RBMS3: variants seen among roughly 807,000 people sequenced by gnomAD.
RBMS3 encodes the protein RNA-binding motif, single-stranded-interacting protein 3.
A neutral mutation model predicts 66.8 loss-of-function variants in RBMS3; 27 were observed. The observed-to-expected ratio is 0.40, with a 90% CI of 0.30 to 0.56. The LOEUF is 0.56. RBMS3 is among the 20% of genes least tolerant of loss of function. The probability of loss-of-function intolerance (pLI) is 0.40; values close to 1 mark genes in which losing one functional copy is unlikely to be tolerated. For missense variants in RBMS3, 513 were observed against 549.5 expected, an observed-to-expected ratio of 0.93 and a Z score of 0.66; for synonymous variants, 188 against 183.0, an observed-to-expected ratio of 1.03 and a Z score of -0.22.
chr3:29,753,414 C>A (rs1304026355), intron 5 of RBMS3, among the ~76,000 whole-genome samples: 1 of 152,192 alleles, frequency 6.6e-6, no homozygotes, highest in African/African-American at 2.4e-5. Context: ...TGTGATCAGA[C>A]CACCCTCCCA....
At chr3:29,625,739 A>AGTGAATAT (rs1553633476) in intron 4 of RBMS3, among the ~76,000 whole-genome samples, 9,738 of 150,186 alleles carry the variant, frequency 0.065, 725 homozygotes, top group East Asian at 0.3. Context: ...TAAATAAATA[A>AGTGAATAT]AAATAATCTT....
intron 2 of RBMS3, among the ~76,000 whole-genome samples, chr3:29,438,654 A>G (rs2041491744): frequency 6.6e-6 from 1 of 152,210 alleles, no homozygotes; most frequent in African/African-American, 2.4e-5. Flanking sequence ...TGAATACATT[A>G]TACTGTGCGT....
At chr3:29,737,649 G>A (rs941032773) in intron 4 of RBMS3, among the ~76,000 whole-genome samples, 4 of 152,080 alleles carry the variant, frequency 2.6e-5, no homozygotes, top group Admixed American at 1.3e-4. Flanking sequence ...GAAGTTATAC[G>A]TAGATAAGGT....
chr3:29,330,858 T>A (rs2035612613), intron 1 of RBMS3, among the ~76,000 whole-genome samples: 1 of 152,184 alleles, frequency 6.6e-6, no homozygotes, highest in Admixed American at 6.6e-5. Context: ...AAAATTAAGC[T>A]ATTAAATCTG....
intron 1 of RBMS3, among the ~76,000 whole-genome samples, chr3:29,389,548 A>G (rs1408476333): frequency 6.6e-6 from 1 of 152,216 alleles, no homozygotes; most frequent in African/African-American, 2.4e-5. Context: ...TCAGATTACC[A>G]GAAAGTGCAG....
At chr3:29,875,022 C>T (rs2059578914) in intron 7 of RBMS3, among the ~76,000 whole-genome samples, 1 of 152,078 alleles carries the variant, frequency 6.6e-6, no homozygotes, top group African/African-American at 2.4e-5. Flanking sequence ...TTAGGAAGGG[C>T]TTAAGGCTGG....
At chr3:29,392,555 T>C (rs2039349712) in intron 1 of RBMS3, among the ~76,000 whole-genome samples, 1 of 152,200 alleles carries the variant, frequency 6.6e-6, no homozygotes, top group South Asian at 2.1e-4. Context: ...AACCCCACCA[T>C]TTAGTACTTA....
intron 2 of RBMS3, among the ~76,000 whole-genome samples, chr3:29,441,543 A>G (rs955957531): frequency 6.6e-6 from 1 of 152,164 alleles, no homozygotes; most frequent in Non-Finnish European, 1.5e-5. Context: ...CACCATAGCC[A>G]CCAGGATTCA....
chr3:29,882,447 G>A, intron 7 of RBMS3, among the ~76,000 whole-genome samples: 1 of 152,060 alleles, frequency 6.6e-6, no homozygotes, highest in African/African-American at 2.4e-5. Flanking sequence ...AAGAGGTCAT[G>A]CAGTTATCAT....
intron 4 of RBMS3, among the ~76,000 whole-genome samples, chr3:29,602,734 T>C (rs1231496430): frequency 6.6e-6 from 1 of 152,012 alleles, no homozygotes; most frequent in African/African-American, 2.4e-5. Flanking sequence ...CTTTTTGTTA[T>C]GGTAAAGACA....
At chr3:29,340,605 C>A (rs747982824) in intron 1 of RBMS3, among the ~76,000 whole-genome samples, 17 of 152,136 alleles carry the variant, frequency 1.1e-4, no homozygotes, top group Non-Finnish European at 2.5e-4. Flanking sequence ...ATCTTTTCTT[C>A]TGTTCAAAAG....
intron 3 of RBMS3, among the ~76,000 whole-genome samples, chr3:29,488,906 A>G (rs894094783): frequency 6.6e-6 from 1 of 152,234 alleles, no homozygotes; most frequent in African/African-American, 2.4e-5. Flanking sequence ...TTGGTTGACT[A>G]TGAATAAATT....
At chr3:29,917,885 G>T (rs1223270211) in intron 10 of RBMS3, among the ~76,000 whole-genome samples, 1 of 152,114 alleles carries the variant, frequency 6.6e-6, no homozygotes, top group East Asian at 1.9e-4. Flanking sequence ...TAGGTTTGGA[G>T]TCTTCTATGC....
chr3:29,535,710 CTTTTTTT>C (rs149022808), intron 3 of RBMS3, among the ~76,000 whole-genome samples: 12 of 39,744 alleles, frequency 3.0e-4, no homozygotes, highest in Admixed American at 5.1e-4. Flanking sequence ...GATCATTGCT[CTTTTTTT>C]TTTTTTTTTT....
At chr3:29,392,822 G>C (rs1361548024) in intron 1 of RBMS3, among the ~76,000 whole-genome samples, 1 of 151,826 alleles carries the variant, frequency 6.6e-6, no homozygotes, top group Non-Finnish European at 1.5e-5. Flanking sequence ...CTGCTATGTT[G>C]GGTCAGGTGA....
intron 4 of RBMS3, among the ~76,000 whole-genome samples, chr3:29,706,478 T>A (rs2052899106): frequency 6.6e-6 from 1 of 152,190 alleles, no homozygotes; most frequent in South Asian, 2.1e-4. Context: ...CAGACGGCAC[T>A]GGAGCAGGAG....
intron 4 of RBMS3, among the ~76,000 whole-genome samples, chr3:29,618,163 G>A (rs1355574677): frequency 6.6e-6 from 1 of 152,124 alleles, no homozygotes; most frequent in East Asian, 1.9e-4. Context: ...GGATATAAAT[G>A]TATTAGCTAT....
At chr3:29,661,512 C>T (rs2050547845) in intron 4 of RBMS3, among the ~76,000 whole-genome samples, 1 of 152,102 alleles carries the variant, frequency 6.6e-6, no homozygotes, top group African/African-American at 2.4e-5. Flanking sequence ...AGGATTCCTG[C>T]TAGATTATTT....
At chr3:29,299,712 G>A (rs764677797) in intron 1 of RBMS3, among the ~76,000 whole-genome samples, 1 of 151,672 alleles carries the variant, frequency 6.6e-6, no homozygotes, top group Non-Finnish European at 1.5e-5. Flanking sequence ...AAATTATATG[G>A]GAGGATATGC....
Sources: gnomAD v4.1 joint callset for allele counts (sites outside exome capture counted in the v4.1 genomes callset) on GRCh38, gnomAD v4.1.1 for gene constraint, MANE v1.5 for transcripts, NCBI Gene and HGNC (gene_info 2026-07-23, HGNC 2026-07-21) for gene names.